EPHA6: variants seen among roughly 807,000 people sequenced by gnomAD.
EPHA6 encodes EPH receptor A6.
A neutral mutation model predicts 112.0 loss-of-function variants in EPHA6; 50 were observed. The ratio of observed to expected loss-of-function variants is 0.45; its 90% CI spans 0.36 to 0.56. The LOEUF (loss-of-function observed/expected upper bound fraction) is 0.56, where lower values mean the gene tolerates loss of function less well. Among genes scored for constraint, EPHA6 ranks in the 20% least tolerant of loss-of-function variants. The probability of loss-of-function intolerance (pLI) is 0.00; values close to 1 mark genes in which losing one functional copy is unlikely to be tolerated. For missense variants in EPHA6, 1,280 were observed against 1,417.4 expected (o/e 0.90, Z 1.56); for synonymous variants, 529 against 490.7 (o/e 1.08, Z -1.03).
At chr3:97,484,794 C>T (rs2091656474) in intron 10 of EPHA6, among the ~76,000 whole-genome samples, 1 of 152,224 alleles carries the variant, frequency 6.6e-6, no homozygotes, top group African/African-American at 2.4e-5. Flanking sequence ...GCATGCCATC[C>T]TCCTGTAAAT....
chr3:97,217,538 C>G (rs1254166339), intron 3 of EPHA6, among the ~76,000 whole-genome samples: 3 of 151,976 alleles, frequency 2.0e-5, no homozygotes, highest in Non-Finnish European at 4.4e-5. Flanking sequence ...GTGCTGCTTC[C>G]AAGAAACATA....
At chr3:97,387,698 G>T (rs1486461868) in intron 5 of EPHA6, among the ~76,000 whole-genome samples, 1 of 152,016 alleles carries the variant, frequency 6.6e-6, no homozygotes, top group African/African-American at 2.4e-5. Flanking sequence ...CTTGCCAGTT[G>T]CCCAGATCCA....
At chr3:97,725,907 T>A (rs185211598) in intron 15 of EPHA6, among the ~76,000 whole-genome samples, 2 of 152,208 alleles carry the variant, frequency 1.3e-5, no homozygotes, top group Non-Finnish European at 1.5e-5. Flanking sequence ...ACTAGCCATA[T>A]AATCTTAGGC....
intron 3 of EPHA6, among the ~76,000 whole-genome samples, chr3:97,073,575 A>G (rs1171785395): frequency 6.6e-6 from 1 of 152,116 alleles, no homozygotes; most frequent in Non-Finnish European, 1.5e-5. Flanking sequence ...AGTTATTTAA[A>G]ACTAAATTTG....
chr3:97,053,436 A>G (rs2045750349), intron 3 of EPHA6, among the ~76,000 whole-genome samples: 2 of 152,142 alleles, frequency 1.3e-5, no homozygotes, highest in Non-Finnish European at 2.9e-5. Context: ...AAGTATAGGA[A>G]TTCCTCTTCT....
rs542557826 is a variant in EPHA6, at chr3:97,756,815, G to C, written c.*8114G>C. On this transcript the variant is annotated 3_prime_UTR_variant, in exon 18 of 18. Transcript: ENST00000389672. ...GATGTAAAGATTATGGTGTGTGCTT[G>C]ATTTTGGATACATTATTATTCATTT... Among the ~76,000 whole-genome samples the C allele has an allele frequency of 1.8e-4, 27 of 151,868 alleles. No homozygotes were observed. In the East Asian group the frequency reaches 5.2e-3, roughly 29 times the overall value.
At chr3:97,744,798 A>C (rs1441935979) in intron 16 of EPHA6, among the ~76,000 whole-genome samples, 1 of 151,990 alleles carries the variant, frequency 6.6e-6, no homozygotes, top group East Asian at 1.9e-4. Context: ...CTCAGGAGAA[A>C]GAAGTAGAAG....
At chr3:97,293,187 G>C (rs547385826) in intron 5 of EPHA6, among the ~76,000 whole-genome samples, 70 of 152,224 alleles carry the variant, frequency 4.6e-4, no homozygotes, top group Non-Finnish European at 9.6e-4. Flanking sequence ...TCTCAGCAGA[G>C]AGGAGACCCG....
intron 3 of EPHA6, among the ~76,000 whole-genome samples, chr3:97,194,039 T>A (rs2077376801): frequency 6.6e-6 from 1 of 152,054 alleles, no homozygotes. Context: ...TCATTTTTGT[T>A]GATCTTTTGT....
intron 5 of EPHA6, among the ~76,000 whole-genome samples, chr3:97,377,421 G>A (rs1402392485): frequency 6.6e-6 from 1 of 152,116 alleles, no homozygotes; most frequent in African/African-American, 2.4e-5. Flanking sequence ...TTCTTTATCA[G>A]TAGCATGAAA....
At chr3:97,607,126 A>G (rs569588638) in intron 12 of EPHA6, among the ~76,000 whole-genome samples, 5 of 149,494 alleles carry the variant, frequency 3.3e-5, no homozygotes, top group African/African-American at 1.2e-4. Context: ...AACTCATTTC[A>G]TTACATGAAA....
intron 10 of EPHA6, among the ~76,000 whole-genome samples, chr3:97,503,005 A>T (rs1037824876): frequency 6.6e-6 from 1 of 151,948 alleles, no homozygotes. Context: ...CAAGAAAAAT[A>T]TAAGGTATAA....
intron 3 of EPHA6, among the ~76,000 whole-genome samples, chr3:97,184,788 G>A (rs868457959): frequency 2.0e-4 from 30 of 152,168 alleles, no homozygotes; most frequent in Non-Finnish European, 2.6e-4. Flanking sequence ...CAAAGCTGGA[G>A]GCATCACGCT....
intron 2 of EPHA6, among the ~76,000 whole-genome samples, chr3:96,938,664 A>C (rs921264790): frequency 2.6e-5 from 4 of 151,852 alleles, no homozygotes; most frequent in African/African-American, 7.3e-5. Context: ...GAGTGGTGAG[A>C]GAGGGCATCC....
intron 10 of EPHA6, among the ~76,000 whole-genome samples, chr3:97,503,279 G>A (rs763728181): frequency 4.0e-5 from 6 of 151,840 alleles, no homozygotes; most frequent in Non-Finnish European, 8.8e-5. Context: ...GAGTTTTTTT[G>A]AAAGTTTTAC....
rs143784693 is a variant in EPHA6 at position 97,464,758 on chromosome 3, G to A, written c.1895-10594G>A. On this transcript the variant is annotated intron_variant, in intron 7 of 17. Coordinates refer to ENST00000389672, the MANE Select transcript of EPHA6 (RefSeq NM_001080448.3). ...CATGGAAAAAGTTATATTGAACTGCGTAGCTCTGCACTGTGCTTTCCTGGA... is the reference window on the plus strand; with the variant it reads ...CATGGAAAAAGTTATATTGAACTGCATAGCTCTGCACTGTGCTTTCCTGGA... Among the ~76,000 whole-genome samples the A allele has an allele frequency of 1.0e-2, 1,522 of 152,222 alleles. 19 individuals are homozygous for A. Among genetic ancestry groups the A allele is most frequent in the African/African-American group, 0.033 (1,371 of 41,538 alleles).
intron 3 of EPHA6, among the ~76,000 whole-genome samples, chr3:97,019,162 CTTATT>C (rs2044366566): frequency 6.6e-6 from 1 of 152,088 alleles, no homozygotes; most frequent in South Asian, 2.1e-4. Flanking sequence ...TATAACTATT[CTTATT>C]TTATATTTTA....
chr3:97,637,518 A>T (rs2093958493), intron 13 of EPHA6, among the ~76,000 whole-genome samples: 1 of 152,024 alleles, frequency 6.6e-6, no homozygotes, highest in South Asian at 2.1e-4. Context: ...AGCTATGGAA[A>T]GTGGATTCTA....
Position 97,441,803 on chromosome 3 carries a change from CTT to C in EPHA6, c.1732-6764_1732-6763del, listed in dbSNP as rs1482910420. ...AATTGCATGTTCACTATGTAACTGA[CTT>C]CTCTTGATTAATTCTAAAATTTTTT... On this transcript the variant is annotated intron_variant, in intron 6 of 17. Coordinates refer to ENST00000389672, the MANE Select transcript of EPHA6 (RefSeq NM_001080448.3). Among the ~76,000 whole-genome samples the C allele has an allele frequency of 5.3e-5, 8 of 151,904 alleles. No individual in the cohort carries two copies. In the East Asian group the frequency reaches 1.5e-3, roughly 29 times the overall value.
Sources: gnomAD v4.1 joint callset for allele counts (sites outside exome capture counted in the v4.1 genomes callset) on GRCh38, gnomAD v4.1.1 for gene constraint, MANE v1.5 for transcripts, NCBI Gene and HGNC (gene_info 2026-07-23, HGNC 2026-07-21) for gene names.